The following CCDC91 variants were observed in gnomAD, a reference collection of about 807,000 sequenced individuals.
CCDC91 encodes the protein coiled-coil domain containing 91.
In CCDC91, 48 loss-of-function variants were observed where a neutral mutation model predicts 63.2. The ratio of observed to expected loss-of-function variants is 0.76; its 90% CI spans 0.60 to 0.97. CCDC91 has a LOEUF of 0.97. Ranked by LOEUF, CCDC91 falls within the 50% of genes least tolerant of loss-of-function variation. The pLI is 0.00. For missense variants in CCDC91, 500 were observed against 494.6 expected, an observed-to-expected ratio of 1.01 and a Z score of -0.10; for synonymous variants, 167 against 165.8, an observed-to-expected ratio of 1.01 and a Z score of -0.06.
chr12:28,221,168 A>G (rs1164108355), intron 1 of CCDC91, among the ~76,000 whole-genome samples: 1 of 151,892 alleles, frequency 6.6e-6, no homozygotes, highest in Non-Finnish European at 1.5e-5. Flanking sequence ...ATGATCTTCC[A>G]CAGTGTTTAA....
At chr12:28,335,056 T>A (rs1941827292) in intron 6 of CCDC91, among the ~76,000 whole-genome samples, 1 of 145,300 alleles carries the variant, frequency 6.9e-6, no homozygotes. Context: ...TATAAATATT[T>A]AAAAAGTTAA....
At chr12:28,237,148 G>A (rs1322141107) in intron 1 of CCDC91, among the ~76,000 whole-genome samples, 1 of 150,534 alleles carries the variant, frequency 6.6e-6, no homozygotes, top group East Asian at 2.0e-4. Context: ...TGATTTTCAT[G>A]CAACTCTAAA....
At chr12:28,427,022 A>G (rs545421952) in intron 8 of CCDC91, among the ~76,000 whole-genome samples, 4 of 152,070 alleles carry the variant, frequency 2.6e-5, no homozygotes, top group African/African-American at 7.2e-5. Context: ...TGTCTCCCCT[A>G]TTGTCTTTGG....
In CCDC91 at chr12:28,391,343, A is replaced by T. The variant is rs200277976; in HGVS notation, c.694A>T (p.Ile232Phe). 1.9e-6 allele frequency: 3 copies of T among 1,613,160 alleles called. No homozygotes were observed. In the Admixed American group the frequency reaches 5.0e-5, roughly 27 times the overall value. ...QSSVKQQVEA[I>F]EKQYISAIEK... is the part of the protein sequence containing the mutation. ...TTCAGTTAAGCAACAAGTAGAAGCTATTGAAAAACAGTACATTTCTGCAAT... is the reference window on the plus strand; with the variant it reads ...TTCAGTTAAGCAACAAGTAGAAGCTTTTGAAAAACAGTACATTTCTGCAAT... The change falls in exon 8 of 13, where the codon ATT (isoleucine) becomes TTT (phenylalanine). Residue 232 changes from isoleucine to phenylalanine, a missense_variant. Ile to Phe is a conservative substitution (Grantham distance 21). Transcript: ENST00000536442.
At chr12:28,424,356 T>A (rs1468143014) in intron 8 of CCDC91, among the ~76,000 whole-genome samples, 1 of 152,140 alleles carries the variant, frequency 6.6e-6, no homozygotes, top group African/African-American at 2.4e-5. Flanking sequence ...TAGATAATAG[T>A]TTATGCATAT....
chr12:28,259,124 CAGT>C (rs1387288467), intron 2 of CCDC91, among the ~76,000 whole-genome samples: 2 of 151,822 alleles, frequency 1.3e-5, no homozygotes, highest in African/African-American at 4.8e-5. Context: ...TATTGACTAA[CAGT>C]AGAGTTATCT....
intron 8 of CCDC91, among the ~76,000 whole-genome samples, chr12:28,431,841 G>A (rs1014192396): frequency 2.6e-5 from 4 of 151,958 alleles, no homozygotes; most frequent in African/African-American, 9.7e-5. Flanking sequence ...AATGTAATAT[G>A]ATACAAAATA....
At chr12:28,291,769 C>T (rs1235696300) in intron 3 of CCDC91, among the ~76,000 whole-genome samples, 9 of 152,138 alleles carry the variant, frequency 5.9e-5, no homozygotes, top group Admixed American at 5.9e-4. Flanking sequence ...TCATGAGGCA[C>T]CCACTTATTG....
At chr12:28,500,185 TG>T (rs201955601) in intron 12 of CCDC91, among the ~76,000 whole-genome samples, 28,377 of 144,828 alleles carry the variant, frequency 0.2, 3,464 homozygotes, top group Non-Finnish European at 0.28. Context: ...CACTTTTTGA[TG>T]GGGTTTTTTT....
chr12:28,537,661 A>G (rs1372702548), intron 12 of CCDC91, among the ~76,000 whole-genome samples: 16 of 152,216 alleles, frequency 1.1e-4, no homozygotes, highest in Non-Finnish European at 1.5e-5. Context: ...GGATTCAGAA[A>G]TCATTCTGTC....
chr12:28,304,475 A>G (rs186381768), intron 3 of CCDC91, among the ~76,000 whole-genome samples: 7 of 151,768 alleles, frequency 4.6e-5, no homozygotes, highest in African/African-American at 1.7e-4. Flanking sequence ...TATGGCACAT[A>G]ATATGTCAAA....
chr12:28,322,560 G>C (rs1383014616), intron 6 of CCDC91, among the ~76,000 whole-genome samples: 1 of 151,128 alleles, frequency 6.6e-6, no homozygotes, highest in African/African-American at 2.4e-5. Context: ...TTTAGTATGC[G>C]TATATTTTCT....
intron 4 of CCDC91, among the ~76,000 whole-genome samples, chr12:28,306,495 C>T (rs1278652814): frequency 6.6e-6 from 1 of 151,952 alleles, no homozygotes; most frequent in Admixed American, 6.6e-5. Context: ...TCTTTTAGTG[C>T]ATTGGTAGCA....
chr12:28,257,128 A>G, intron 1 of CCDC91, 74 bp from the exon 2 acceptor site: 4 of 871,796 alleles, frequency 4.6e-6, no homozygotes, highest in Non-Finnish European at 7.7e-6. Context: ...ATATGTATAC[A>G]TTTAAGTTGG....
rs1330830223 is a variant in CCDC91 at position 28,524,213 on chromosome 12, G to C, written c.1216-24850G>C. Reference sequence around the variant, plus strand: ...CTTGTCTTGTTCCAGTTCTCAGAGGGAATGCTTTCAACTTTTCCCCGTTCA... The same window carrying C: ...CTTGTCTTGTTCCAGTTCTCAGAGGCAATGCTTTCAACTTTTCCCCGTTCA... On this transcript the variant is annotated intron_variant, in intron 12 of 12. Coordinates refer to ENST00000536442, the MANE Select transcript of CCDC91 (RefSeq NM_018318.5). Among the ~76,000 whole-genome samples, 8 of 152,030 alleles carry C rather than the reference G, an allele frequency of 5.3e-5. No individual in the cohort carries two copies. The East Asian group carries it at 1.5e-3, about 29-fold the overall frequency.
At chr12:28,468,248 C>T (rs1290837655) in intron 11 of CCDC91, among the ~76,000 whole-genome samples, 1 of 150,338 alleles carries the variant, frequency 6.7e-6, no homozygotes, top group African/African-American at 2.4e-5. Flanking sequence ...AAAGGAGACA[C>T]TACATCTGGT....
chr12:28,207,516 G>A (rs904472292), intron 1 of CCDC91, among the ~76,000 whole-genome samples: 1 of 152,136 alleles, frequency 6.6e-6, no homozygotes, highest in African/African-American at 2.4e-5. Context: ...ATAATTTCGT[G>A]TTATAAGATC....
chr12:28,259,561 G>C (rs1399446307), intron 3 of CCDC91, 119 bp downstream of exon 3: 1 of 644,372 alleles, frequency 1.6e-6, no homozygotes, highest in Non-Finnish European at 2.7e-6. Context: ...CTGAAAAATG[G>C]AGTGATCCAG....
At chr12:28,500,162 C>T (rs553060982) in intron 12 of CCDC91, among the ~76,000 whole-genome samples, 39 of 149,964 alleles carry the variant, frequency 2.6e-4, no homozygotes, top group African/African-American at 9.0e-4. Flanking sequence ...AGTGTCTGTT[C>T]GTATCCTTCG....
Sources: allele counts gnomAD v4.1 joint callset (sites outside exome capture counted in the v4.1 genomes callset), GRCh38; gene constraint gnomAD v4.1.1; transcripts MANE v1.5; gene names NCBI Gene and HGNC (gene_info 2026-07-23, HGNC 2026-07-21).